SERPINA3: variants seen among roughly 807,000 people sequenced by gnomAD.
SERPINA3 encodes the protein serpin family A member 3.
A neutral mutation model predicts 26.8 loss-of-function variants in SERPINA3; 32 were observed. The ratio of observed to expected loss-of-function variants is 1.20; its 90% CI spans 0.90 to 1.61. The LOEUF is 1.61. Among genes scored for constraint, SERPINA3 ranks in the 40% most tolerant of loss-of-function variants. The pLI, the probability that SERPINA3 is intolerant of heterozygous loss-of-function variation, is 0.00. For synonymous variants in SERPINA3, 252 were observed against 206.4 expected (o/e 1.22, Z -1.89); for missense variants, 632 against 517.9 (o/e 1.22, Z -2.14).
Position 94,619,204 on chromosome 14 carries a change from A to G in SERPINA3, c.653A>G (p.Glu218Gly). The G allele has an allele frequency of 1.2e-6, 2 of 1,614,154 alleles. No individual in the cohort carries two copies. Among genetic ancestry groups the G allele is most frequent in the South Asian group, 2.2e-5 (2 of 91,080 alleles). The part of the protein sequence containing the change: ...VNYIFFKAKW[E>G]MPFDPQDTHQ... The stretch of plus-strand genomic sequence containing the variant: ...CTTGCTCCACCTTCAGCCAAATGGG[A>G]GATGCCCTTTGACCCCCAAGATACT... Residue 218 changes from glutamate (E) to glycine (G), a missense_variant, in exon 3 of 5, where the codon GAG (glutamate) becomes GGG (glycine). Glu to Gly is a moderately conservative substitution (Grantham distance 98). Transcript: ENST00000393078.
intron 3 of SERPINA3, among the ~76,000 whole-genome samples, chr14:94,620,764 G>C (rs982747336): frequency 6.6e-6 from 1 of 152,164 alleles, no homozygotes; most frequent in Non-Finnish European, 1.5e-5. Flanking sequence ...ACGGAATTGA[G>C]CTGACCGATT....
chr14:94,622,895 C>A (rs17091162), intron 4 of SERPINA3: 72,349 of 309,622 alleles, frequency 0.23, 8,775 homozygotes, highest in Middle Eastern at 0.31. Flanking sequence ...GATTATCTGG[C>A]AATTGTAATG....
At chr14:94,618,471 C>A (rs945184514) in intron 2 of SERPINA3, 1 of 152,928 alleles carries the variant, frequency 6.5e-6, no homozygotes, top group Admixed American at 6.5e-5. Flanking sequence ...GAATCCAGGG[C>A]AAATCTTAGC....
chr14:94,619,447 GGA>G lies in SERPINA3; in HGVS notation c.901_902del (p.Asp301LeufsTer9), dbSNP rs1430392577. The G allele has an allele frequency of 6.2e-7, 1 of 1,614,006 alleles. No homozygotes were observed. Among genetic ancestry groups the G allele is most frequent in the Non-Finnish European group, 8.5e-7 (1 of 1,180,042 alleles). On this transcript the variant is annotated frameshift_variant, in exon 3 of 5. Coordinates refer to ENST00000393078, the MANE Select transcript of SERPINA3 (RefSeq NM_001085.5). LOFTEE classifies it high-confidence loss of function. Reference sequence around the variant, plus strand: ...CTGCTCCCAGAGACCCTGAAGCGGTGGAGAGACTCTCTGGAGTTCAGGTGATT... The same window carrying G: ...CTGCTCCCAGAGACCCTGAAGCGGTGGAGACTCTCTGGAGTTCAGGTGATT...
chr14:94,616,098 G>A (rs1242288893), intron 2 of SERPINA3, among the ~76,000 whole-genome samples: 1 of 152,168 alleles, frequency 6.6e-6, no homozygotes, highest in African/African-American at 2.4e-5. Flanking sequence ...CGCCTCACGT[G>A]CCATTTGTTC....
rs1483031706 is a variant in SERPINA3 at position 94,619,242 on chromosome 14, T to A, written c.691T>A (p.Phe231Ile). The change falls in exon 3 of 5, where the codon TTC becomes ATC. Residue 231 changes from phenylalanine (F) to isoleucine (I), a missense_variant. Transcript: ENST00000393078. The stretch of plus-strand genomic sequence containing the variant: ...CCCCCAAGATACTCATCAGTCAAGG[T>A]TCTACTTGAGCAAGAAAAAGTGGGT... ...FDPQDTHQSR[F>I]YLSKKKWVMV... 1 of 1,613,402 alleles carries A rather than the reference T, an allele frequency of 6.2e-7. No homozygotes were observed. The highest frequency in any genetic ancestry group is 1.3e-5 in the African/African-American group (1 of 74,924).
At chr14:94,623,197 TG>T (rs1270958980) in intron 4 of SERPINA3, among the ~76,000 whole-genome samples, 1 of 152,214 alleles carries the variant, frequency 6.6e-6, no homozygotes, top group African/African-American at 2.4e-5. Flanking sequence ...CATGCTGGCT[TG>T]GCTGAGGAGG....
At chr14:94,618,930 C>G in intron 2 of SERPINA3, 1 of 561,462 alleles carries the variant, frequency 1.8e-6, no homozygotes, top group Non-Finnish European at 3.2e-6. Context: ...CCTTCTTTCT[C>G]TCTTGCACTC....
intron 4 of SERPINA3, 101 bp from the exon 5 acceptor site, chr14:94,623,510 A>T: frequency 9.5e-7 from 1 of 1,053,504 alleles, no homozygotes; most frequent in Non-Finnish European, 1.5e-6. Context: ...GGCCAGCACT[A>T]GGTGCTCAAT....
intron 1 of SERPINA3, chr14:94,613,326 C>G (rs1885855033): frequency 1.3e-5 from 2 of 152,124 alleles, no homozygotes; most frequent in African/African-American, 4.8e-5. Context: ...CAAGCTGCCC[C>G]TTTTCTCTTC....
At chr14:94,623,316 G>T (rs1886275287) in intron 4 of SERPINA3, among the ~76,000 whole-genome samples, 1 of 152,174 alleles carries the variant, frequency 6.6e-6, no homozygotes, top group South Asian at 2.1e-4. Flanking sequence ...TGTTTTGGGG[G>T]CAAAATAGAC....
In SERPINA3 at chr14:94,614,636, C is replaced by G; in HGVS notation, c.195C>G (p.Val65=). ...CTTTCAGCCTGTACAAGCAGTTAGT[C>G]CTGAAGGCCCCTGATAAGAATGTCA... ...DFAFSLYKQL[V]LKAPDKNVIF... is the part of the protein sequence containing the mutation. Residue 65 remains valine (V), a synonymous_variant, in exon 2 of 5, where the codon GTC becomes GTG. Coordinates refer to ENST00000393078, the MANE Select transcript of SERPINA3 (RefSeq NM_001085.5). 1 of 1,614,100 alleles carries G rather than the reference C, an allele frequency of 6.2e-7. No homozygotes were observed. Among genetic ancestry groups the G allele is most frequent in the Non-Finnish European group, 8.5e-7 (1 of 1,180,010 alleles).
At chr14:94,622,303 A>G in intron 3 of SERPINA3, 38 bp from the exon 4 acceptor site, 1 of 1,612,224 alleles carries the variant, frequency 6.2e-7, no homozygotes, top group Admixed American at 1.7e-5. Context: ...GGTACTGATC[A>G]GCAGAGGTTC....
At chr14:94,617,400 G>A (rs1182492755) in intron 2 of SERPINA3, among the ~76,000 whole-genome samples, 1 of 152,146 alleles carries the variant, frequency 6.6e-6, no homozygotes, top group Non-Finnish European at 1.5e-5. Context: ...CAAGAAGGAA[G>A]ATGAGGGCAC....
At chr14:94,616,508 A>T (rs1055608008) in intron 2 of SERPINA3, among the ~76,000 whole-genome samples, 20 of 152,224 alleles carry the variant, frequency 1.3e-4, no homozygotes, top group South Asian at 2.1e-4. Context: ...AGGCTGAGAC[A>T]GTCCCAGCTC....
At position 94,612,413 on chromosome 14, in the gene SERPINA3, G is replaced by A. The variant is rs1375447951; in HGVS notation, c.-43G>A. 1 of 1,365,978 alleles carries A rather than the reference G, an allele frequency of 7.3e-7. No individual in the cohort carries two copies. Among genetic ancestry groups the A allele is most frequent in the Non-Finnish European group, 9.8e-7 (1 of 1,021,644 alleles). 84.6% of individuals were successfully genotyped at this position (1,365,978 alleles called of 1,614,324 possible). A position where few individuals can be genotyped will look rare whatever the true frequency, so the allele number is the denominator to read the frequency against. ...TCCACTACTCCAGACAGACGGCTTT[G>A]GAATCCACCAGCTACATCCAGCTCC... On this transcript the variant is annotated 5_prime_UTR_variant, in exon 1 of 5. Coordinates refer to ENST00000393078, the MANE Select transcript of SERPINA3 (RefSeq NM_001085.5).
At chr14:94,612,825 A>T (rs1885833556) in intron 1 of SERPINA3, among the ~76,000 whole-genome samples, 1 of 152,172 alleles carries the variant, frequency 6.6e-6, no homozygotes, top group African/African-American at 2.4e-5. Flanking sequence ...TTATTGCAGC[A>T]GGTCCCTCTG....
At chr14:94,615,848 C>T (rs766004654) in intron 2 of SERPINA3, among the ~76,000 whole-genome samples, 9 of 152,178 alleles carry the variant, frequency 5.9e-5, no homozygotes, top group East Asian at 5.8e-4. Context: ...GAGTGCAAGC[C>T]GGTAGCTTTT....
In SERPINA3 at chr14:94,614,483, G is replaced by T; in HGVS notation, c.42G>T (p.Ala14=). 6.2e-7 allele frequency: 1 copy of T among 1,613,984 alleles called. No homozygotes were observed. The highest frequency in any genetic ancestry group is 8.5e-7 in the Non-Finnish European group (1 of 1,179,964). Residue 14 remains alanine (A), a synonymous_variant, in exon 2 of 5, where the codon GCG becomes GCT. Coordinates refer to ENST00000393078, the MANE Select transcript of SERPINA3 (RefSeq NM_001085.5). ...MLPLLALGLL[A]AGFCPAVLCH... ...CTCTCCTGGCTCTGGGGCTCTTGGCGGCTGGGTTCTGCCCTGCTGTCCTCT... is the reference window on the plus strand; with the variant it reads ...CTCTCCTGGCTCTGGGGCTCTTGGCTGCTGGGTTCTGCCCTGCTGTCCTCT...
Sources: allele counts gnomAD v4.1 joint callset (sites outside exome capture counted in the v4.1 genomes callset), GRCh38; gene constraint gnomAD v4.1.1; transcripts MANE v1.5; gene names NCBI Gene and HGNC (gene_info 2026-07-23, HGNC 2026-07-21).